The following EMSY variants were observed in gnomAD, a reference collection of about 807,000 sequenced individuals.
The protein encoded by EMSY is BRCA2-interacting transcriptional repressor EMSY.
A neutral mutation model predicts 134.6 loss-of-function variants in EMSY; 26 were observed. That is an observed-to-expected ratio of 0.19 (90% CI 0.14 to 0.27). EMSY has a LOEUF of 0.27. EMSY is among the 10% of genes least tolerant of loss of function. The pLI, the probability that EMSY is intolerant of heterozygous loss-of-function variation, is 1.00. For synonymous variants in EMSY, 579 were observed against 577.8 expected (o/e 1.00, Z -0.03); for missense variants, 1,305 against 1,611.4 (o/e 0.81, Z 3.26).
chr11:76,487,349 T>C (rs1949229664), intron 8 of EMSY, among the ~76,000 whole-genome samples: 1 of 152,198 alleles, frequency 6.6e-6, no homozygotes, highest in African/African-American at 2.4e-5. Context: ...AGTAGCCTTT[T>C]AATCAAAACA....
intron 14 of EMSY, among the ~76,000 whole-genome samples, chr11:76,532,863 G>T (rs1951093294): frequency 1.3e-5 from 2 of 152,132 alleles, no homozygotes; most frequent in African/African-American, 4.8e-5. Flanking sequence ...GTACGTCAAG[G>T]TGAGGGTGGG....
intron 2 of EMSY, among the ~76,000 whole-genome samples, chr11:76,447,682 A>G (rs1165512572): frequency 6.6e-6 from 1 of 152,252 alleles, no homozygotes; most frequent in African/African-American, 2.4e-5. Context: ...GTAAAGAACT[A>G]ACTTCGCCCT....
At chr11:76,445,513 TG>T (rs1947343002) in intron 1 of EMSY, among the ~76,000 whole-genome samples, 1 of 151,166 alleles carries the variant, frequency 6.6e-6, no homozygotes, top group Non-Finnish European at 1.5e-5. Flanking sequence ...GAGGTCCGGG[TG>T]AGGAGCCTGG....
intron 14 of EMSY, among the ~76,000 whole-genome samples, chr11:76,534,595 T>C (rs567975495): frequency 6.6e-6 from 1 of 152,254 alleles, no homozygotes; most frequent in African/African-American, 2.4e-5. Context: ...TTCAACAACT[T>C]TGTGGCTTTA....
intron 9 of EMSY, among the ~76,000 whole-genome samples, chr11:76,510,485 C>CCT (rs1321467957): frequency 6.6e-6 from 1 of 152,112 alleles, no homozygotes; most frequent in Non-Finnish European, 1.5e-5. Context: ...CTGACAGACC[C>CCT]CTGCTTTACG....
intron 8 of EMSY, among the ~76,000 whole-genome samples, chr11:76,492,865 CAG>C (rs922488968): frequency 6.6e-6 from 1 of 152,164 alleles, no homozygotes; most frequent in African/African-American, 2.4e-5. Flanking sequence ...GAGAAGTTAA[CAG>C]GGCTTTTTCT....
chr11:76,530,331 T>C (rs1057026144), intron 14 of EMSY, among the ~76,000 whole-genome samples: 3 of 152,048 alleles, frequency 2.0e-5, no homozygotes, highest in Admixed American at 6.5e-5. Context: ...AGCTGATTTT[T>C]TGTATTTTTA....
chr11:76,454,895 T>A (rs1240524109), intron 4 of EMSY, 105 bp downstream of exon 5: 4 of 857,948 alleles, frequency 4.7e-6, no homozygotes, highest in Non-Finnish European at 6.8e-6. Context: ...GAATTAACCA[T>A]GCCCCTTGCT....
intron 9 of EMSY, among the ~76,000 whole-genome samples, chr11:76,504,922 G>T (rs1296702087): frequency 6.6e-6 from 1 of 152,184 alleles, no homozygotes; most frequent in African/African-American, 2.4e-5. Flanking sequence ...CGTATTATAT[G>T]ATTTATTTCA....
intron 18 of EMSY, among the ~76,000 whole-genome samples, chr11:76,543,485 C>T (rs3758716): frequency 0.14 from 20,600 of 152,146 alleles, 1,748 homozygotes; most frequent in East Asian, 0.28. Context: ...CGGCCCTCAG[C>T]TGGCAGCTCC....
At chr11:76,463,779 T>C in intron 6 of EMSY, 42 bp from the exon 8 acceptor site, 1 of 1,595,910 alleles carries the variant, frequency 6.3e-7, no homozygotes, top group Non-Finnish European at 8.5e-7. Flanking sequence ...TAATGCAAGA[T>C]TAGTTTGGTA....
chr11:76,496,380 A>T, exon 9 of EMSY: 1 of 1,614,148 alleles, frequency 6.2e-7, no homozygotes, highest in Non-Finnish European at 8.5e-7. Context: ...CAAGTGGCCC[A>T]GCCTTCTCCA....
At chr11:76,530,704 T>C (rs1479132179) in intron 14 of EMSY, among the ~76,000 whole-genome samples, 4 of 152,202 alleles carry the variant, frequency 2.6e-5, no homozygotes, top group Non-Finnish European at 5.9e-5. Context: ...CCTCCCCTTA[T>C]CGCCTTGTAT....
intron 11 of EMSY, among the ~76,000 whole-genome samples, chr11:76,519,265 A>G (rs1950563839): frequency 6.6e-6 from 1 of 152,084 alleles, no homozygotes; most frequent in Admixed American, 6.6e-5. Flanking sequence ...GGGTTTCACC[A>G]TGTTGGCCAG....
chr11:76,498,504 A>AT (rs2135847746), intron 9 of EMSY, among the ~76,000 whole-genome samples: 1 of 152,234 alleles, frequency 6.6e-6, no homozygotes, highest in South Asian at 2.1e-4. Context: ...ATATTTTGAT[A>AT]TATCTATTGT....
chr11:76,454,609 C>G (rs1310904811), intron 4 of EMSY, 140 bp from the exon 5 acceptor site: 1 of 517,820 alleles, frequency 1.9e-6, no homozygotes, highest in Non-Finnish European at 3.3e-6. Context: ...AGCTTGCATT[C>G]AGAGGCACTT....
At chr11:76,516,672 T>G (rs542715436) in intron 11 of EMSY, 1 of 160,406 alleles carries the variant, frequency 6.2e-6, no homozygotes, top group Non-Finnish European at 1.4e-5. Context: ...AATTTACAAA[T>G]GAAGATAGAT....
At chr11:76,525,263 G>T (rs1950803964) in intron 12 of EMSY, among the ~76,000 whole-genome samples, 1 of 152,230 alleles carries the variant, frequency 6.6e-6, no homozygotes, top group Non-Finnish European at 1.5e-5. Flanking sequence ...GTGCTGGGAA[G>T]AGTATGCATG....
chr11:76,536,225 T>C (rs1951220306), intron 15 of EMSY, among the ~76,000 whole-genome samples, 166 bp downstream of exon 16: 1 of 152,124 alleles, frequency 6.6e-6, no homozygotes, highest in Non-Finnish European at 1.5e-5. Context: ...ATTGGTACAG[T>C]CTGGTTTACT....
Sources: gnomAD v4.1 joint callset for allele counts (sites outside exome capture counted in the v4.1 genomes callset) on GRCh38, gnomAD v4.1.1 for gene constraint, MANE v1.5 for transcripts, NCBI Gene and HGNC (gene_info 2026-07-23, HGNC 2026-07-21) for gene names.